Variants in TRAPPC13 observed in about 807,000 individuals in gnomAD.
The protein encoded by TRAPPC13 is trafficking protein particle complex subunit 13, also known as REV7-interacting novel NHEJ regulator 1.
Under a neutral mutation model 54.0 loss-of-function variants are expected in TRAPPC13, and 39 were observed. That is an observed-to-expected ratio of 0.72 (90% CI 0.56 to 0.94). The LOEUF is 0.94. Among genes scored for constraint, TRAPPC13 ranks in the 40% least tolerant of loss-of-function variants. TRAPPC13 has a pLI of 0.00. For missense variants in TRAPPC13, 386 were observed against 488.1 expected, an observed-to-expected ratio of 0.79 and a Z score of 1.97; for synonymous variants, 148 against 167.7, an observed-to-expected ratio of 0.88 and a Z score of 0.91.
chr5:65,658,651 A>G lies in TRAPPC13; in HGVS notation c.698+150A>G, dbSNP rs144581442. ...AAATTCATCAGAAAGTAGAGTTTCC[A>G]CATACCCTCTTCCACTCCTCACAGT... On this transcript the variant is annotated intron_variant, in intron 9 of 12. Coordinates refer to ENST00000399438, the MANE Select transcript of TRAPPC13 (RefSeq NM_024941.4). 3.7e-5 allele frequency: 18 copies of G among 488,728 alleles called. No individual in the cohort carries two copies. In the East Asian group the frequency reaches 6.4e-4, roughly 17 times the overall value. The allele number at this position is 488,728 out of a possible 1,614,324, so 30.3% of individuals were successfully genotyped here. A position where few individuals can be genotyped will look rare whatever the true frequency, so the allele number is the denominator to read the frequency against.
rs1306614688 is a variant in TRAPPC13 at position 65,665,249 on chromosome 5, A to G, written c.*638A>G. On this transcript the variant is annotated 3_prime_UTR_variant, in exon 13 of 13. Transcript: ENST00000399438. Reference sequence around the variant, plus strand: ...TGCAGGGTATAGTTGGCTGACCTCAATCTAGAAGATAGAGTTGTTTCTTAG... The same window carrying G: ...TGCAGGGTATAGTTGGCTGACCTCAGTCTAGAAGATAGAGTTGTTTCTTAG... 1 of 152,218 alleles carries G rather than the reference A, an allele frequency of 6.6e-6. No individual in the cohort carries two copies. Among genetic ancestry groups the G allele is most frequent in the Non-Finnish European group, 1.5e-5 (1 of 68,028 alleles). 9.4% of individuals were successfully genotyped at this position (152,218 alleles called of 1,614,324 possible). A position where few individuals can be genotyped will look rare whatever the true frequency, so the allele number is the denominator to read the frequency against.
chr5:65,633,715 G>T (rs1275361666), intron 1 of TRAPPC13, among the ~76,000 whole-genome samples: 1 of 151,572 alleles, frequency 6.6e-6, no homozygotes, highest in Admixed American at 6.6e-5. Context: ...AACTGAAAAA[G>T]ATTTTTAAAA....
chr5:65,633,835 T>A (rs1374711287), intron 1 of TRAPPC13, among the ~76,000 whole-genome samples: 1 of 151,988 alleles, frequency 6.6e-6, no homozygotes, highest in Non-Finnish European at 1.5e-5. Context: ...ATTTTTTAGT[T>A]AAATTTTATT....
At chr5:65,662,468 A>G (rs1408467876) in intron 11 of TRAPPC13, 2 of 168,812 alleles carry the variant, frequency 1.2e-5, no homozygotes, top group African/African-American at 2.4e-5. Context: ...TATGAATTGA[A>G]GTAGCAAGAT....
chr5:65,631,258 A>G (rs938173444), intron 1 of TRAPPC13, among the ~76,000 whole-genome samples: 7 of 152,240 alleles, frequency 4.6e-5, no homozygotes, highest in African/African-American at 1.7e-4. Flanking sequence ...CTTGAAGCTC[A>G]GTGCCTGTCA....
intron 1 of TRAPPC13, among the ~76,000 whole-genome samples, chr5:65,628,438 A>G (rs1373795402): frequency 1.3e-5 from 2 of 151,514 alleles, no homozygotes; most frequent in Non-Finnish European, 2.9e-5. Context: ...CTATCTATAT[A>G]TTTGTTTGGT....
chr5:65,636,090 A>G (rs572845437), intron 3 of TRAPPC13, 47 bp downstream of exon 3: 2 of 1,292,514 alleles, frequency 1.5e-6, no homozygotes, highest in East Asian at 5.0e-5. Context: ...GCCATTACAA[A>G]TTATGTTTTC....
intron 4 of TRAPPC13, among the ~76,000 whole-genome samples, chr5:65,646,193 A>G (rs764092430): frequency 1.3e-5 from 2 of 152,218 alleles, no homozygotes; most frequent in African/African-American, 2.4e-5. Context: ...GGGGGAGGGT[A>G]GTTTTAAGAC....
chr5:65,631,060 T>C (rs1755524456), intron 1 of TRAPPC13, among the ~76,000 whole-genome samples: 1 of 152,238 alleles, frequency 6.6e-6, no homozygotes. Flanking sequence ...GTAAAAGTTT[T>C]GTAGAAGCAT....
intron 1 of TRAPPC13, chr5:65,629,606 T>C (rs781270469): frequency 2.6e-6 from 4 of 1,533,324 alleles, no homozygotes; most frequent in East Asian, 2.4e-5. Context: ...AGAAGTAATA[T>C]TACATTATCG....
At chr5:65,630,572 A>C (rs577667641) in intron 1 of TRAPPC13, 7 of 1,177,054 alleles carry the variant, frequency 5.9e-6, no homozygotes, top group Non-Finnish European at 7.3e-6. Flanking sequence ...CTTTTGTTAC[A>C]AACTGTGATT....
At chr5:65,646,306 G>T (rs1236001845) in intron 4 of TRAPPC13, among the ~76,000 whole-genome samples, 7 of 152,058 alleles carry the variant, frequency 4.6e-5, no homozygotes, top group Admixed American at 4.6e-4. Context: ...TTAGTTGGTG[G>T]CTTTAATGTC....
chr5:65,626,773 C>G (rs1755254541), intron 1 of TRAPPC13, among the ~76,000 whole-genome samples: 1 of 151,928 alleles, frequency 6.6e-6, no homozygotes, highest in Non-Finnish European at 1.5e-5. Flanking sequence ...TCCAGTGATA[C>G]AGAGACTGCC....
intron 4 of TRAPPC13, among the ~76,000 whole-genome samples, chr5:65,638,443 A>G (rs773360528): frequency 6.6e-6 from 1 of 152,216 alleles, no homozygotes; most frequent in Non-Finnish European, 1.5e-5. Context: ...TGCGAAGAGG[A>G]TCTTGAAAGA....
At chr5:65,638,122 C>CAAA (rs33942733) in intron 4 of TRAPPC13, among the ~76,000 whole-genome samples, 19,499 of 125,552 alleles carry the variant, frequency 0.16, 1,739 homozygotes, top group South Asian at 0.3. Context: ...GACTCCATCT[C>CAAA]AAAAAAAAAA....
At chr5:65,657,274 C>T (rs959733289) in intron 8 of TRAPPC13, among the ~76,000 whole-genome samples, 5 of 137,648 alleles carry the variant, frequency 3.6e-5, no homozygotes, top group Admixed American at 1.4e-4. Flanking sequence ...CCCAGCTACT[C>T]GGGAGGCTGA....
intron 4 of TRAPPC13, among the ~76,000 whole-genome samples, chr5:65,645,801 C>T (rs891388637): frequency 6.6e-6 from 1 of 152,112 alleles, no homozygotes; most frequent in Non-Finnish European, 1.5e-5. Context: ...AAGACTCTGT[C>T]TCAAACAAAC....
chr5:65,638,122 CAAAAA>C (rs33942733), intron 4 of TRAPPC13, among the ~76,000 whole-genome samples: 2 of 126,066 alleles, frequency 1.6e-5, no homozygotes, highest in South Asian at 2.5e-4. Flanking sequence ...GACTCCATCT[CAAAAA>C]AAAAAAAAAG....
intron 4 of TRAPPC13, among the ~76,000 whole-genome samples, chr5:65,644,653 G>A (rs142292205): frequency 3.3e-5 from 5 of 152,006 alleles, no homozygotes; most frequent in East Asian, 3.9e-4. Context: ...AGCCCGAGGC[G>A]GCAGATCACT....
Sources: gnomAD v4.1 joint callset for allele counts (sites outside exome capture counted in the v4.1 genomes callset) on GRCh38, gnomAD v4.1.1 for gene constraint, MANE v1.5 for transcripts, NCBI Gene and HGNC (gene_info 2026-07-23, HGNC 2026-07-21) for gene names.